OCRL: variants seen among roughly 807,000 people sequenced by gnomAD.
OCRL encodes OCRL inositol polyphosphate-5-phosphatase, also known as inositol polyphosphate 5-phosphatase OCRL.
Under a neutral mutation model 78.9 loss-of-function variants are expected in OCRL, and 8 were observed. That is an observed-to-expected ratio of 0.10 (90% CI 0.06 to 0.18). OCRL has a LOEUF of 0.18. Ranked by LOEUF, OCRL falls within the 10% of genes least tolerant of loss-of-function variation. The pLI is 1.00. For synonymous variants in OCRL, 240 were observed against 235.4 expected, an observed-to-expected ratio of 1.02 and a Z score of -0.18; for missense variants, 454 against 696.7, an observed-to-expected ratio of 0.65 and a Z score of 3.92.
At chrX:129,542,727 T>G (rs1287015320) in intron 2 of OCRL, among the ~76,000 whole-genome samples, 1 of 111,733 alleles carries the variant, frequency 8.9e-6, no homozygotes, top group African/African-American at 3.3e-5. Flanking sequence ...TGTCTCAGAA[T>G]TACACTGAGA....
chrX:129,564,384 G>T (rs1383350833), intron 12 of OCRL, among the ~76,000 whole-genome samples: 1 of 110,440 alleles, frequency 9.1e-6, no homozygotes, highest in Non-Finnish European at 1.9e-5. Context: ...TATACCCAAA[G>T]GACTATAAAT....
intron 19 of OCRL, among the ~76,000 whole-genome samples, chrX:129,586,643 T>C: frequency 8.9e-6 from 1 of 112,277 alleles, no homozygotes; most frequent in Non-Finnish European, 1.9e-5. Flanking sequence ...AATTGTAATT[T>C]AATAGTCCCC....
At chrX:129,578,695 A>G (rs1485260491) in intron 18 of OCRL, among the ~76,000 whole-genome samples, 2 of 111,217 alleles carry the variant, frequency 1.8e-5, no homozygotes, top group Non-Finnish European at 3.8e-5. Flanking sequence ...TAATTTTACC[A>G]TGTTTGCCCA....
At chrX:129,582,998 CA>C (rs1464210070) in intron 18 of OCRL, among the ~76,000 whole-genome samples, 1 of 111,985 alleles carries the variant, frequency 8.9e-6, no homozygotes, top group Non-Finnish European at 1.9e-5. Context: ...AGATTCGAAA[CA>C]ATCCAGGTTG....
chrX:129,588,848 C>T (rs1936550632), intron 21 of OCRL, 38 bp from the exon 22 acceptor site: 1 of 1,209,589 alleles, frequency 8.3e-7, no homozygotes, highest in Non-Finnish European at 1.1e-6. Flanking sequence ...TGTGGCCTTT[C>T]TCCTGGAGCT....
intron 14 of OCRL, among the ~76,000 whole-genome samples, chrX:129,568,062 C>T (rs1008687092): frequency 2.7e-5 from 3 of 110,422 alleles, no homozygotes; most frequent in African/African-American, 9.9e-5. Context: ...TACAGGCGCC[C>T]GCCACCACGC....
At chrX:129,577,642 A>C (rs1253640836) in intron 18 of OCRL, among the ~76,000 whole-genome samples, 1 of 111,477 alleles carries the variant, frequency 9.0e-6, no homozygotes, top group Non-Finnish European at 1.9e-5. Flanking sequence ...TTCTGTTGCC[A>C]TGGAATTGTT....
chrX:129,587,168 A>G (rs371809396), intron 20 of OCRL, 50 bp downstream of exon 20: 17 of 786,145 alleles, frequency 2.2e-5, no homozygotes, highest in Middle Eastern at 3.2e-4. Context: ...TGTAACTACT[A>G]TAGGAAATCA....
chrX:129,561,901 G>A (rs979464541), intron 10 of OCRL, among the ~76,000 whole-genome samples: 3 of 111,716 alleles, frequency 2.7e-5, no homozygotes, highest in Non-Finnish European at 5.7e-5. Context: ...AACTCCTGGG[G>A]ATGTTATTCC....
chrX:129,578,088 AATTTAG>A (rs1355077842), intron 18 of OCRL, among the ~76,000 whole-genome samples: 3 of 111,036 alleles, frequency 2.7e-5, no homozygotes, highest in Non-Finnish European at 5.7e-5. Context: ...TGTCATGTAA[AATTTAG>A]TGGTAATATG....
rs1936129869 is a variant in OCRL at position 129,560,451 on chromosome X, T to C, written c.723-99T>C. The C allele has an allele frequency of 2.9e-5, 15 of 525,150 alleles. No individual in the cohort carries two copies. The South Asian group carries it at 3.8e-4, about 13-fold the overall frequency. 43.3% of individuals were successfully genotyped at this position (525,150 alleles called of 1,213,427 possible). A position where few individuals can be genotyped will look rare whatever the true frequency, so the allele number is the denominator to read the frequency against. On this transcript the variant is annotated intron_variant, in intron 8 of 23. Transcript: ENST00000371113. ...AACATTTTGAGGAATTATGTTAGCA[T>C]ATTGTGAACATACCTTTGTATGGAA...
chrX:129,567,541 C>G (rs1166552365), intron 14 of OCRL, among the ~76,000 whole-genome samples, 178 bp downstream of exon 14: 1 of 112,306 alleles, frequency 8.9e-6, no homozygotes, highest in East Asian at 2.8e-4. Flanking sequence ...TATCTATACT[C>G]AAAGGTGAGC....
At position 129,576,380 on chromosome X, in the gene OCRL, C is replaced by T. The variant is rs753260631; in HGVS notation, c.1943C>T (p.Ser648Leu). 22 of 1,209,447 alleles carry T rather than the reference C, an allele frequency of 1.8e-5. No individual in the cohort carries two copies. The highest frequency in any genetic ancestry group is 3.0e-5 in the East Asian group (1 of 33,768). ...AAAGACTCTGTAACCATCCTGAACT[C>T]GGGAGAAGATAAGATTGAAGATATT... Reference protein sequence around the residue: ...VSKDSVTILNSGEDKIEDILV... With the variant: ...VSKDSVTILNLGEDKIEDILV... The change falls in exon 18 of 24, where the codon TCG becomes TTG. Residue 648 changes from serine (S) to leucine (L), a missense_variant. Coordinates refer to ENST00000371113, the MANE Select transcript of OCRL (RefSeq NM_000276.4).
intron 12 of OCRL, among the ~76,000 whole-genome samples, chrX:129,563,088 T>A (rs1483719731): frequency 8.9e-6 from 1 of 112,018 alleles, no homozygotes. Flanking sequence ...GCAAATGTAA[T>A]AAAAGATAAA....
At chrX:129,546,196 T>C (rs1477621980) in intron 3 of OCRL, among the ~76,000 whole-genome samples, 1 of 112,482 alleles carries the variant, frequency 8.9e-6, no homozygotes, top group Non-Finnish European at 1.9e-5. Flanking sequence ...ATTTTCCTTT[T>C]TTCTACACAT....
At chrX:129,580,085 A>T (rs1397081648) in intron 18 of OCRL, among the ~76,000 whole-genome samples, 1 of 112,725 alleles carries the variant, frequency 8.9e-6, no homozygotes, top group East Asian at 2.8e-4. Context: ...TATAGAAATC[A>T]GAATCAGCCT....
intron 20 of OCRL, 26 bp downstream of exon 20, chrX:129,587,144 A>G (rs1194982644): frequency 3.1e-6 from 3 of 956,877 alleles, no homozygotes; most frequent in Non-Finnish European, 4.5e-6. Flanking sequence ...CCTTCCCTAC[A>G]ACTTTGGAAG....
At position 129,583,239 on chromosome X, in the gene OCRL, T is replaced by C. The variant is rs1045765904; in HGVS notation, c.2116-1105T>C. ...CAAGCCTGTCCAACACCAGTGCCTA[T>C]ACTCTTTCCATTAACCACGCTGTCT... is the stretch of plus-strand genomic sequence containing the variant. On this transcript the variant is annotated intron_variant, in intron 18 of 23. Transcript: ENST00000371113. Among the ~76,000 whole-genome samples, 3 of 112,332 alleles carry C rather than the reference T, an allele frequency of 2.7e-5. No homozygotes were observed. The South Asian group carries it at 1.1e-3, about 42-fold the overall frequency.
At chrX:129,582,806 ACAGTAGTGTGGGAGGAATGCATT>A (rs71870888) in intron 18 of OCRL, among the ~76,000 whole-genome samples, 7,695 of 111,832 alleles carry the variant, frequency 0.069, 527 homozygotes, top group East Asian at 0.28. Flanking sequence ...CCCATGGATA[ACAGTAGTGTGGGAGGAATGCATT>A]CAGTATTACC....
Sources: allele counts gnomAD v4.1 joint callset (sites outside exome capture counted in the v4.1 genomes callset), GRCh38; gene constraint gnomAD v4.1.1; transcripts MANE v1.5; gene names NCBI Gene and HGNC (gene_info 2026-07-23, HGNC 2026-07-21).